CFI: variants seen among roughly 807,000 people sequenced by gnomAD.
CFI encodes C3B/C4B inactivator.
Under a neutral mutation model 78.8 loss-of-function variants are expected in CFI, and 66 were observed. The ratio of observed to expected loss-of-function variants is 0.84; its 90% confidence interval spans 0.69 to 1.03. The LOEUF (loss-of-function observed/expected upper bound fraction) is 1.03. CFI is among the 50% of genes least tolerant of loss of function. The probability of loss-of-function intolerance (pLI) is 0.00; values close to 1 mark genes in which losing one functional copy is unlikely to be tolerated. For missense variants in CFI, 706 were observed against 704.5 expected (o/e 1.00, Z -0.02); for synonymous variants, 250 against 232.6 (o/e 1.07, Z -0.68).
chr4:109,771,714 CAA>C (rs149565381), intron 1 of CFI, among the ~76,000 whole-genome samples: 12 of 18,118 alleles, frequency 6.6e-4, no homozygotes, highest in South Asian at 2.4e-3. Context: ...ACTCCATCAC[CAA>C]AAAAAAAAAA....
chr4:109,766,714 C>T lies in CFI; in HGVS notation c.168G>A (p.Glu56=). 1 of 1,614,140 alleles carries T rather than the reference C, an allele frequency of 6.2e-7. No homozygotes were observed. Among genetic ancestry groups the T allele is most frequent in the African/African-American group, 1.3e-5 (1 of 75,042 alleles). Reference sequence around the variant, plus strand: ...ACGGTAGTTTACAAACACAGGTGCCCTCAATGCATCTCTGCCATGGCTGGC... The same window carrying T: ...ACGGTAGTTTACAAACACAGGTGCCTTCAATGCATCTCTGCCATGGCTGGC... ...VFCQPWQRCI[E]GTCVCKLPYQ... The change falls in exon 2 of 13, where the codon GAG becomes GAA. Residue 56 remains glutamate (E), a synonymous_variant. Coordinates refer to ENST00000394634, the MANE Select transcript of CFI (RefSeq NM_000204.5).
intron 7 of CFI, among the ~76,000 whole-genome samples, chr4:109,752,904 A>ATTTATATAT (rs1393364600): frequency 1.6e-5 from 2 of 128,068 alleles, no homozygotes; most frequent in East Asian, 4.1e-4. Context: ...TTTATTATAT[A>ATTTATATAT]AATAAATATT....
intron 1 of CFI, among the ~76,000 whole-genome samples, chr4:109,792,218 A>G (rs1029159416): frequency 5.3e-5 from 8 of 152,170 alleles, no homozygotes; most frequent in African/African-American, 1.9e-4. Context: ...CAAGTTCTCC[A>G]TTCCTTATTG....
the CFI span, among the ~76,000 whole-genome samples, chr4:109,733,681 T>G: frequency 6.6e-6 from 1 of 152,220 alleles, no homozygotes; most frequent in East Asian, 1.9e-4. Context: ...CATTGAAATT[T>G]TGGCCTAAGC....
downstream of CFI, among the ~76,000 whole-genome samples, chr4:109,739,184 A>G (rs766364878): frequency 1.4e-4 from 22 of 152,192 alleles, no homozygotes; most frequent in Non-Finnish European, 8.8e-5. Context: ...TTAAATCAGT[A>G]GGGATCTATC....
chr4:109,798,537 CTTTG>C, intron 1 of CFI, among the ~76,000 whole-genome samples: 1 of 149,930 alleles, frequency 6.7e-6, no homozygotes, highest in South Asian at 2.1e-4. Flanking sequence ...ACCATTAAGT[CTTTG>C]TTTAGTGAGT....
chr4:109,796,490 TC>T lies in CFI; in HGVS notation c.57+5424del, dbSNP rs1236792592. 2.6e-5 allele frequency among the ~76,000 whole-genome samples: 4 copies of T among 152,142 alleles called. No individual in the cohort carries two copies. The East Asian group carries it at 7.7e-4, about 29-fold the overall frequency. The stretch of plus-strand genomic sequence containing the variant: ...GTTTCTATACATCAATAATGAACTG[TC>T]CTAGAAAGAATTTTAAGAAAACCAT... On this transcript the variant is annotated intron_variant, in intron 1 of 12. Coordinates refer to ENST00000394634, the MANE Select transcript of CFI (RefSeq NM_000204.5).
In CFI at chr4:109,752,506, A is replaced by G. The variant is rs377535161; in HGVS notation, c.905-3T>C. The G allele has an allele frequency of 5.8e-5, 93 of 1,611,502 alleles. No homozygotes were observed. Among genetic ancestry groups the G allele is most frequent in the East Asian group, 3.4e-4 (15 of 44,756 alleles). On this transcript the variant is annotated splice_polypyrimidine_tract_variant and splice_region_variant and intron_variant, in intron 7 of 12. Coordinates refer to ENST00000394634, the MANE Select transcript of CFI (RefSeq NM_000204.5). ...AGCAGTCAAAATTTCTGTTTCTTCTATGATAAAACAAAAGATTCCAATGTT... is the reference window on the plus strand; with the variant it reads ...AGCAGTCAAAATTTCTGTTTCTTCTGTGATAAAACAAAAGATTCCAATGTT...
chr4:109,759,262 A>AG (rs889547289), intron 6 of CFI, among the ~76,000 whole-genome samples: 2 of 102,940 alleles, frequency 1.9e-5, no homozygotes, highest in Admixed American at 1.9e-4. Flanking sequence ...CTAAAAAAAA[A>AG]AAAAATAATA....
chr4:109,739,591 G>C (rs990813129), downstream of CFI, among the ~76,000 whole-genome samples: 1 of 152,102 alleles, frequency 6.6e-6, no homozygotes, highest in Admixed American at 6.5e-5. Flanking sequence ...AGTTTGGGTT[G>C]ACCACTTTTC....
At chr4:109,773,251 G>C (rs753715274) in intron 1 of CFI, among the ~76,000 whole-genome samples, 26 of 152,208 alleles carry the variant, frequency 1.7e-4, no homozygotes, top group Non-Finnish European at 3.1e-4. Context: ...ACTTTTGCCA[G>C]GCGCAGTGGC....
At position 109,749,315 on chromosome 4, in the gene CFI, G is replaced by T. The variant is rs778207739; in HGVS notation, c.1051C>A (p.Leu351Ile). The change falls in exon 10 of 13, where the codon CTC becomes ATC. Residue 351 changes from leucine to isoleucine, a missense_variant. By Grantham distance (5) the Leu-to-Ile change is conservative. Transcript: ENST00000394634. The part of the protein sequence containing the change: ...VGGKRAQLGD[L>I]PWQVAIKDAS... The stretch of plus-strand genomic sequence containing the variant: ...TCCTTAATTGCCACCTGCCATGGGA[G>T]GTCTCCCTGTAAAAGACATTTGTGT... 6.2e-7 allele frequency: 1 copy of T among 1,613,778 alleles called. No individual in the cohort carries two copies. The highest frequency in any genetic ancestry group is 8.5e-7 in the Non-Finnish European group (1 of 1,179,732).
At chr4:109,741,994 A>G (rs1723860305) in intron 12 of CFI, 1 of 159,964 alleles carries the variant, frequency 6.3e-6, no homozygotes, top group South Asian at 1.8e-4. Context: ...GGAGGGAAAA[A>G]TTTACTTCCA....
chr4:109,748,206 A>G (rs1186157008), intron 10 of CFI, among the ~76,000 whole-genome samples: 1 of 152,136 alleles, frequency 6.6e-6, no homozygotes, highest in African/African-American at 2.4e-5. Context: ...ACTGTCCTTC[A>G]TATTAATTTT....
intron 6 of CFI, among the ~76,000 whole-genome samples, chr4:109,759,078 G>A (rs1158392858): frequency 6.6e-6 from 1 of 152,090 alleles, no homozygotes; most frequent in Non-Finnish European, 1.5e-5. Context: ...AGGCAATAAA[G>A]CAAGACTCTG....
At chr4:109,761,737 T>G in intron 3 of CFI, 45 bp from the exon 4 acceptor site, 3 of 1,490,384 alleles carry the variant, frequency 2.0e-6, no homozygotes, top group Non-Finnish European at 9.3e-7. Flanking sequence ...TAATTAGTAC[T>G]TTGCATTTAT....
rs753435467 is a variant in CFI at position 109,757,740 on chromosome 4, C to T, written c.904+23G>A. 3 of 1,387,596 alleles carry T rather than the reference C, an allele frequency of 2.2e-6. No individual in the cohort carries two copies. In the East Asian group the frequency reaches 7.0e-5, roughly 33 times the overall value. 86.0% of individuals were successfully genotyped at this position (1,387,596 alleles called of 1,614,324 possible). A position where few individuals can be genotyped will look rare whatever the true frequency, so the allele number is the denominator to read the frequency against. The stretch of plus-strand genomic sequence containing the variant: ...GTTTTGTTTCAATTTTTTAATATCC[C>T]CAAATTTTAATAAAAATTTTACCTT... On this transcript the variant is annotated intron_variant, in intron 7 of 12. Transcript: ENST00000394634.
chr4:109,756,917 G>GA (rs1192432217), intron 7 of CFI, among the ~76,000 whole-genome samples: 1 of 121,938 alleles, frequency 8.2e-6, no homozygotes, highest in Admixed American at 8.1e-5. Flanking sequence ...AAGAAAGAAA[G>GA]AAAGAAAGAA....
At position 109,757,863 on chromosome 4, in the gene CFI, TATC is replaced by T. The variant is rs578076073; in HGVS notation, c.884-83_884-81del. ...ACACTATAGCAATATACTATACATA[TATC>T]ATGAAAACCATTGCACCTTATTTCT... is the stretch of plus-strand genomic sequence containing the variant. On this transcript the variant is annotated intron_variant, in intron 6 of 12. Coordinates refer to ENST00000394634, the MANE Select transcript of CFI (RefSeq NM_000204.5). 1.0e-4 allele frequency: 129 copies of T among 1,291,638 alleles called. No individual in the cohort carries two copies. In the East Asian group the frequency reaches 2.8e-3, roughly 29 times the overall value. 80.0% of individuals were successfully genotyped at this position (1,291,638 alleles called of 1,614,324 possible).
Sources: gnomAD v4.1 joint callset for allele counts (sites outside exome capture counted in the v4.1 genomes callset) on GRCh38, gnomAD v4.1.1 for gene constraint, MANE v1.5 for transcripts, NCBI Gene and HGNC (gene_info 2026-07-23, HGNC 2026-07-21) for gene names.